TTN: variants seen among roughly 807,000 people sequenced by gnomAD.
TTN encodes titin.
Under a neutral mutation model 3,223.0 loss-of-function variants are expected in TTN, and 1,525 were observed. The ratio of observed to expected loss-of-function variants is 0.47; its 90% CI spans 0.45 to 0.49. The LOEUF is 0.49. Among genes scored for constraint, TTN ranks in the 20% least tolerant of loss-of-function variants. TTN has a pLI of 0.00. For missense variants in TTN, 40,786 were observed against 43,424.0 expected (o/e 0.94, Z 5.40); for synonymous variants, 14,094 against 15,161.0 (o/e 0.93, Z 5.17).
At chr2:178,645,876 A>C (rs762004353) in intron 217 of TTN, 44 bp downstream of exon 217, 1 of 1,247,270 alleles carries the variant, frequency 8.0e-7, no homozygotes. Flanking sequence ...GCTGGATAGA[A>C]GTTTGAAGCA....
intron 168 of TTN, 112 bp from the exon 169 acceptor site, chr2:178,664,210 G>A: frequency 9.3e-7 from 1 of 1,080,652 alleles, no homozygotes; most frequent in Non-Finnish European, 1.3e-6. Context: ...TGAGATCAGT[G>A]GTAACAAGTT....
rs1577825049 is a variant in TTN, at chr2:178,711,071, T to C, written c.28165A>G (p.Ile9389Val). 7 of 1,580,856 alleles carry C rather than the reference T, an allele frequency of 4.4e-6. No homozygotes were observed. Among genetic ancestry groups the C allele is most frequent in the African/African-American group, 1.4e-5 (1 of 73,304 alleles). Reference protein sequence around the residue: ...IGSASSSARLILTEGKNPPFF... With the variant: ...IGSASSSARLVLTEGKNPPFF... The stretch of plus-strand genomic sequence containing the variant: ...TTAAGAATCCACAAACCTGTGAGAA[T>C]GAGCCTGGCACTGGAAGAAGCAGAG... The change falls in exon 97 of 363, where the codon ATT (isoleucine) becomes GTT (valine). Residue 9389 changes from isoleucine to valine, a missense_variant. Ile to Val is a conservative substitution (Grantham distance 29). Transcript: ENST00000589042.
intron 356 of TTN, 44 bp downstream of exon 356, chr2:178,536,894 T>C (rs767681976): frequency 6.7e-7 from 1 of 1,492,498 alleles, no homozygotes; most frequent in Non-Finnish European, 9.0e-7. Context: ...TATGCAAAGA[T>C]GGAACTTTAC....
Position 178,790,055 on chromosome 2 carries a change from T to C in TTN, c.1861A>G (p.Lys621Glu). ...PKVIVATPKVKEQDLVSRGRE... is the reference protein window; with the variant it reads ...PKVIVATPKVEEQDLVSRGRE... ...CCTCTTGATACTAAATCTTGTTCTT[T>C]GACTTTGGGTGTGGCAACTATGACT... Residue 621 changes from lysine (K) to glutamate (E), a missense_variant, in exon 12 of 363, where the codon AAA becomes GAA. By Grantham distance (56) the Lys-to-Glu change is moderately conservative. Transcript: ENST00000589042. 4 of 1,613,298 alleles carry C rather than the reference T, an allele frequency of 2.5e-6. No individual in the cohort carries two copies. The African/African-American group carries it at 4.0e-5, about 16-fold the overall frequency.
Position 178,534,166 on chromosome 2 carries a change from CCTT to C in TTN, c.102446_102448del (p.Glu34149del). The C allele has an allele frequency of 6.2e-7, 1 of 1,613,958 alleles. No individual in the cohort carries two copies. Among genetic ancestry groups the C allele is most frequent in the Non-Finnish European group, 8.5e-7 (1 of 1,179,860 alleles). ...TTTGCATACATATTTGACATGTCCT[CCTT>C]CTTCACCAACTGCATGCATTATCTG... On this transcript the variant is annotated inframe_deletion, in exon 358 of 363. Transcript: ENST00000589042.
rs746487470 is a variant in TTN, at chr2:178,802,198, A to T, written c.235T>A (p.Ser79Thr). 6.2e-7 allele frequency: 1 copy of T among 1,614,118 alleles called. No homozygotes were observed. Among genetic ancestry groups the T allele is most frequent in the South Asian group, 1.1e-5 (1 of 91,080 alleles). Residue 79 changes from serine to threonine, a missense_variant, in exon 3 of 363, where the codon TCC becomes ACC. By Grantham distance (58) the Ser-to-Thr change is moderately conservative. Coordinates refer to ENST00000589042, the MANE Select transcript of TTN (RefSeq NM_001267550.2). ...CCAGATCCATTGGTGGCTTTCAGGG[A>T]ATATCGTCCACTGTTGGCTTTAGTC... ...AVTKANSGRY[S>T]LKATNGSGQA...
At position 178,632,957 on chromosome 2, in the gene TTN, C is replaced by G. The variant is rs760934964; in HGVS notation, c.43174G>C (p.Ala14392Pro). The change falls in exon 234 of 363, where the codon GCT becomes CCT. Residue 14392 changes from alanine (A) to proline (P), a missense_variant. Ala to Pro is a conservative substitution (Grantham distance 27, BLOSUM62 -1). Transcript: ENST00000589042. ...LGMTGEVSFQAANAKSAANLK... is the reference protein window; with the variant it reads ...LGMTGEVSFQPANAKSAANLK... ...TTGGCTGCAGATTTGGCATTAGCAG[C>G]CTGGAAGGAAACCTCTCCTGTCATA... 1.2e-6 allele frequency: 2 copies of G among 1,613,124 alleles called. No homozygotes were observed. The highest frequency in any genetic ancestry group is 3.3e-5 in the Admixed American group (2 of 59,962).
Position 178,557,773 on chromosome 2 carries a change from C to G in TTN, c.87581G>C (p.Arg29194Thr). ...CAGTTTCATGACTTTCATCATGGTT[C>G]TTGCAACTGTTGCAGACACTTCAGT... is the stretch of plus-strand genomic sequence containing the variant. ...VWTEVSATVARTMMKVMKLTT... is the reference protein window; with the variant it reads ...VWTEVSATVATTMMKVMKLTT... The change falls in exon 328 of 363, where the codon AGA becomes ACA. Residue 29194 changes from arginine (R) to threonine (T), a missense_variant. Arg to Thr is a moderately conservative substitution (Grantham distance 71). Coordinates refer to ENST00000589042, the MANE Select transcript of TTN (RefSeq NM_001267550.2). The G allele has an allele frequency of 1.2e-6, 2 of 1,613,958 alleles. No homozygotes were observed. The highest frequency in any genetic ancestry group is 1.7e-6 in the Non-Finnish European group (2 of 1,179,842).
chr2:178,667,482 A>G lies in TTN; in HGVS notation c.35673T>C (p.Tyr11891=), dbSNP rs758828547. 5.6e-6 allele frequency: 9 copies of G among 1,599,736 alleles called. No homozygotes were observed. In the East Asian group the frequency reaches 2.0e-4, roughly 36 times the overall value. Residue 11891 remains tyrosine (Y), a synonymous_variant, in exon 161 of 363, where the codon TAT becomes TAC. Transcript: ENST00000589042. ...TTTCTCTCTTTTTAGGAATAGTCAC[A>G]TATATTTTGTCTTCTGGAACAACTT... The part of the protein sequence containing the change: ...PKKVVPEDKI[Y]VTIPKKRETP...
chr2:178,719,506 C>T, intron 82 of TTN, 48 bp downstream of exon 82: 1 of 1,588,706 alleles, frequency 6.3e-7, no homozygotes, highest in Non-Finnish European at 8.6e-7. Flanking sequence ...CTGTGCCCCT[C>T]CACCCCCTGG....
chr2:178,751,641 C>T, intron 47 of TTN: 1 of 1,613,380 alleles, frequency 6.2e-7, no homozygotes, highest in Non-Finnish European at 8.5e-7. Context: ...TCTGCAGACC[C>T]TTCACTATTA....
intron 3 of TTN, 78 bp downstream of exon 3, chr2:178,802,060 T>G (rs2094093252): frequency 6.3e-7 from 1 of 1,576,938 alleles, no homozygotes; most frequent in Admixed American, 1.7e-5. Context: ...TGCCCATAGC[T>G]TTTTCTGGAC....
In TTN at chr2:178,683,356, T is replaced by G. The variant is rs2069952566; in HGVS notation, c.32807-65A>C. The G allele has an allele frequency of 1.6e-5, 17 of 1,070,562 alleles. No individual in the cohort carries two copies. The South Asian group carries it at 2.7e-4, about 17-fold the overall frequency. 66.3% of individuals were successfully genotyped at this position (1,070,562 alleles called of 1,614,324 possible). ...TGAAAATGTGTGTGTGAAGAGAAAT[T>G]TTGTTCAAACAATTCAAGGACAAAG... On this transcript the variant is annotated intron_variant, in intron 133 of 362. Transcript: ENST00000589042.
In TTN at chr2:178,784,263, G is replaced by A. The variant is rs1357523523; in HGVS notation, c.2582C>T (p.Ala861Val). ...AGTCTCACTGGGCTTCACAGTAGGA[G>A]CCTTCACCGATTTGGTGATCTTCTG... ...SAQKITKSVK[A>V]PTVKPSETRV... is the part of the protein sequence containing the mutation. The change falls in exon 16 of 363, where the codon GCT becomes GTT. Residue 861 changes from alanine to valine, a missense_variant. Transcript: ENST00000589042. The A allele has an allele frequency of 6.2e-7, 1 of 1,614,114 alleles. No individual in the cohort carries two copies. The highest frequency in any genetic ancestry group is 2.2e-5 in the East Asian group (1 of 44,862).
chr2:178,648,199 C>T (rs1352848660), intron 213 of TTN, among the ~76,000 whole-genome samples: 1 of 152,092 alleles, frequency 6.6e-6, no homozygotes, highest in Non-Finnish European at 1.5e-5. Context: ...GAAAAAAGTA[C>T]AAGCCTTTTA....
At position 178,784,212 on chromosome 2, in the gene TTN, A is replaced by G; in HGVS notation, c.2633T>C (p.Leu878Ser). The change falls in exon 16 of 363, where the codon TTG becomes TCG. Residue 878 changes from leucine to serine, a missense_variant. Leu to Ser is a moderately radical substitution (Grantham distance 145). Coordinates refer to ENST00000589042, the MANE Select transcript of TTN (RefSeq NM_001267550.2). Reference protein sequence around the residue: ...ETRVRAEPTPLPQFPFADTPD... With the variant: ...ETRVRAEPTPSPQFPFADTPD... The stretch of plus-strand genomic sequence containing the variant: ...TGTGTCAGCGAAGGGGAACTGTGGC[A>G]AGGGTGTGGGCTCTGCCCTTACTCT... 6.2e-7 allele frequency: 1 copy of G among 1,614,170 alleles called. No homozygotes were observed.
Position 178,560,982 on chromosome 2 carries a change from G to T in TTN, c.85150C>A (p.Arg28384=). ...GCCCAGGAAATTACTGGCAGAGGTC[G>T]CCCTGCAATGTCTGCATTTATCTTA... ...VLKINADIAG[R]PLPVISWAKD... Residue 28384 remains arginine (R), a synonymous_variant, in exon 326 of 363, where the codon CGA becomes AGA. Transcript: ENST00000589042. 6.2e-7 allele frequency: 1 copy of T among 1,613,710 alleles called. No individual in the cohort carries two copies. Among genetic ancestry groups the T allele is most frequent in the East Asian group, 2.2e-5 (1 of 44,856 alleles).
Position 178,599,716 on chromosome 2 carries a change from T to C in TTN, c.56185A>G (p.Lys18729Glu), listed in dbSNP as rs754504621. The C allele has an allele frequency of 3.1e-6, 5 of 1,612,920 alleles. No individual in the cohort carries two copies. In the East Asian group the frequency reaches 1.1e-4, roughly 36 times the overall value. ...FKAPPKKPDN[K>E]EPVLYDTHVN... ...TGGGTGTCATAGAGAACAGGTTCTT[T>C]GTTATCAGGCTTCTTTGGAGGAGCT... is the stretch of plus-strand genomic sequence containing the variant. Residue 18729 changes from lysine (K) to glutamate (E), a missense_variant, in exon 289 of 363, where the codon AAA becomes GAA. Coordinates refer to ENST00000589042, the MANE Select transcript of TTN (RefSeq NM_001267550.2).
intron 180 of TTN, 148 bp from the exon 181 acceptor site, chr2:178,659,403 A>AT: frequency 1.1e-5 from 6 of 571,348 alleles, no homozygotes; most frequent in Non-Finnish European, 1.9e-5. Flanking sequence ...AAAAATCAAT[A>AT]AACGTAATCC....
Sources: allele counts gnomAD v4.1 joint callset (sites outside exome capture counted in the v4.1 genomes callset), GRCh38; gene constraint gnomAD v4.1.1; transcripts MANE v1.5; gene names NCBI Gene and HGNC (gene_info 2026-07-23, HGNC 2026-07-21).